Variants in TNPO1 observed in about 807,000 individuals in gnomAD.
The protein encoded by TNPO1 is transportin-1.
In TNPO1, 8 loss-of-function variants were observed where a neutral mutation model predicts 119.5. The ratio of observed to expected loss-of-function variants is 0.07; its 90% confidence interval spans 0.04 to 0.12. TNPO1 has a LOEUF of 0.12. Among genes scored for constraint, TNPO1 ranks in the 10% least tolerant of loss-of-function variants. The probability of loss-of-function intolerance (pLI) is 1.00; values close to 1 mark genes in which losing one functional copy is unlikely to be tolerated. For missense variants in TNPO1, 576 were observed against 1,089.8 expected (o/e 0.53, Z 6.64); for synonymous variants, 362 against 363.0 (o/e 1.00, Z 0.03).
intron 7 of TNPO1, among the ~76,000 whole-genome samples, chr5:72,875,176 T>A (rs1036183917): frequency 2.0e-5 from 3 of 152,216 alleles, no homozygotes; most frequent in African/African-American, 7.2e-5. Context: ...CAACATCAGT[T>A]TAGGGTTAAG....
intron 1 of TNPO1, among the ~76,000 whole-genome samples, chr5:72,840,251 G>T (rs1002440910): frequency 3.3e-5 from 5 of 152,052 alleles, no homozygotes; most frequent in African/African-American, 4.8e-5. Context: ...GGTGCATCTG[G>T]GCTTGAGTCC....
chr5:72,872,165 G>A (rs188245678), intron 6 of TNPO1, among the ~76,000 whole-genome samples: 6 of 152,168 alleles, frequency 3.9e-5, no homozygotes, highest in African/African-American at 1.4e-4. Context: ...GCTTGGTTGA[G>A]AGAAATGAAA....
chr5:72,905,500 G>C (rs1169720766), intron 24 of TNPO1, 55 bp downstream of exon 24: 2 of 822,556 alleles, frequency 2.4e-6, no homozygotes, highest in Non-Finnish European at 4.0e-6. Context: ...TGTTAGGGCT[G>C]TCATTTCAAA....
chr5:72,907,855 G>A (rs1359281564), intron 24 of TNPO1, among the ~76,000 whole-genome samples: 2 of 151,912 alleles, frequency 1.3e-5, no homozygotes, highest in South Asian at 2.1e-4. Context: ...ACCTGCCTGG[G>A]CAACATGATG....
At chr5:72,818,742 C>T (rs116771116) in intron 1 of TNPO1, among the ~76,000 whole-genome samples, 1 of 152,020 alleles carries the variant, frequency 6.6e-6, no homozygotes, top group African/African-American at 2.4e-5. Flanking sequence ...TATCTTCCCC[C>T]CTCAAAACAG....
chr5:72,869,469 C>T (rs1004338838), intron 6 of TNPO1, among the ~76,000 whole-genome samples: 3 of 152,158 alleles, frequency 2.0e-5, no homozygotes, highest in Non-Finnish European at 4.4e-5. Flanking sequence ...ATCACTTGAA[C>T]CCAGGAGGCG....
intron 23 of TNPO1, 57 bp from the exon 24 acceptor site, chr5:72,905,246 T>TA: frequency 1.6e-6 from 2 of 1,281,614 alleles, no homozygotes; most frequent in Non-Finnish European, 2.2e-6. Context: ...TCAGAAGCTA[T>TA]GCTGATCTGA....
chr5:72,858,969 T>TTA (rs3029104), intron 4 of TNPO1, among the ~76,000 whole-genome samples: 1 of 151,876 alleles, frequency 6.6e-6, no homozygotes, highest in African/African-American at 2.4e-5. Flanking sequence ...TTTTTTTTTT[T>TTA]AATCACCCAA....
intron 22 of TNPO1, among the ~76,000 whole-genome samples, chr5:72,902,730 T>C (rs553570953): frequency 6.6e-6 from 1 of 152,294 alleles, no homozygotes; most frequent in Admixed American, 6.5e-5. Flanking sequence ...TTTTATAACT[T>C]TTATTCACAT....
rs548756732 is a variant in TNPO1, at chr5:72,863,705, G to A, written c.462+1791G>A. Among the ~76,000 whole-genome samples the A allele has an allele frequency of 8.6e-5, 13 of 150,300 alleles. No homozygotes were observed. The East Asian group carries it at 1.2e-3, about 14-fold the overall frequency. Reference sequence around the variant, plus strand: ...GAACCCAGGAGGCGAAGATTGCAGTGGACTGAGATTGCACCACTGCACTCC... The same window carrying A: ...GAACCCAGGAGGCGAAGATTGCAGTAGACTGAGATTGCACCACTGCACTCC... On this transcript the variant is annotated intron_variant, in intron 5 of 24. Transcript: ENST00000337273.
chr5:72,833,670 C>CT (rs1422183096), intron 1 of TNPO1, among the ~76,000 whole-genome samples: 1 of 152,184 alleles, frequency 6.6e-6, no homozygotes, highest in African/African-American at 2.4e-5. Context: ...AAACTGAACA[C>CT]TTTCTTAATG....
chr5:72,877,122 C>A, intron 8 of TNPO1, 106 bp from the exon 9 acceptor site: 1 of 505,520 alleles, frequency 2.0e-6, no homozygotes, highest in Non-Finnish European at 3.4e-6. Context: ...AAAAAATTGC[C>A]TAGGTTGAAA....
chr5:72,859,160 ACT>A (rs1450316921), intron 4 of TNPO1, among the ~76,000 whole-genome samples: 2 of 152,058 alleles, frequency 1.3e-5, no homozygotes, highest in Non-Finnish European at 2.9e-5. Flanking sequence ...AAGTACTCTG[ACT>A]CTACATTATC....
rs777071750 is a variant in TNPO1 at position 72,877,364 on chromosome 5, T to C, written c.920+18T>C. ...CTTCCTAAGTAAGTGTTCCCTCTTA[T>C]AAATGCTGCCTTGTTCTTTAATTTC... On this transcript the variant is annotated intron_variant, in intron 9 of 24. Coordinates refer to ENST00000337273, the MANE Select transcript of TNPO1 (RefSeq NM_002270.4). 6 of 1,259,528 alleles carry C rather than the reference T, an allele frequency of 4.8e-6. No homozygotes were observed. The highest frequency in any genetic ancestry group is 1.8e-5 in the Admixed American group (1 of 55,450). The allele number at this position is 1,259,528 out of a possible 1,614,324, so 78.0% of individuals were successfully genotyped here. A position where few individuals can be genotyped will look rare whatever the true frequency, so the allele number is the denominator to read the frequency against.
intron 22 of TNPO1, among the ~76,000 whole-genome samples, chr5:72,901,813 C>A (rs565031038): frequency 1.3e-5 from 2 of 152,260 alleles, no homozygotes; most frequent in East Asian, 1.9e-4. Flanking sequence ...ACCCAAGATA[C>A]ATCAAATCAA....
chr5:72,883,409 A>T (rs1003177285), intron 11 of TNPO1, among the ~76,000 whole-genome samples, 177 bp downstream of exon 11: 1 of 152,194 alleles, frequency 6.6e-6, no homozygotes, highest in African/African-American at 2.4e-5. Context: ...TTCATCACCC[A>T]TACCCTTTAG....
intron 1 of TNPO1, among the ~76,000 whole-genome samples, chr5:72,844,657 AT>A (rs1745049762): frequency 6.6e-6 from 1 of 152,216 alleles, no homozygotes; most frequent in Non-Finnish European, 1.5e-5. Flanking sequence ...TATGATCTGC[AT>A]ACAGAGTTAG....
At chr5:72,861,058 A>G (rs1561318463) in intron 4 of TNPO1, among the ~76,000 whole-genome samples, 1 of 151,896 alleles carries the variant, frequency 6.6e-6, no homozygotes, top group South Asian at 2.1e-4. Context: ...GATTACAGGC[A>G]TGCACCACAT....
chr5:72,898,893 T>A (rs989138955), intron 20 of TNPO1, among the ~76,000 whole-genome samples: 1 of 152,134 alleles, frequency 6.6e-6, no homozygotes, highest in Non-Finnish European at 1.5e-5. Context: ...CCCCCACCCT[T>A]TTTTTATGAA....
Sources: gnomAD v4.1 joint callset for allele counts (sites outside exome capture counted in the v4.1 genomes callset) on GRCh38, gnomAD v4.1.1 for gene constraint, MANE v1.5 for transcripts, NCBI Gene and HGNC (gene_info 2026-07-23, HGNC 2026-07-21) for gene names.